MACROD2: variants seen among roughly 807,000 people sequenced by gnomAD.
The protein encoded by MACROD2 is ADP-ribose glycohydrolase MACROD2.
A neutral mutation model predicts 70.4 loss-of-function variants in MACROD2; 36 were observed. That is an observed-to-expected ratio of 0.51 (90% confidence interval 0.39 to 0.68). The LOEUF is 0.68. Among genes scored for constraint, MACROD2 ranks in the 30% least tolerant of loss-of-function variants. MACROD2 has a pLI of 0.00. For synonymous variants in MACROD2, 172 were observed against 178.8 expected (o/e 0.96, Z 0.30); for missense variants, 496 against 538.4 (o/e 0.92, Z 0.78).
intron 5 of MACROD2, among the ~76,000 whole-genome samples, chr20:14,827,656 G>A (rs2072917009): frequency 6.6e-6 from 1 of 151,072 alleles, no homozygotes; most frequent in Non-Finnish European, 1.5e-5. Flanking sequence ...ATTAGTAACT[G>A]TGTTTTATTT....
At position 14,746,586 on chromosome 20, in the gene MACROD2, C is replaced by A. The variant is rs16994885; in HGVS notation, c.418+61627C>A. Among the ~76,000 whole-genome samples, 1,361 of 152,228 alleles carry A rather than the reference C, an allele frequency of 8.9e-3. 53 individuals carry two copies. In the East Asian group the frequency reaches 0.11, roughly 13 times the overall value. ...TAGAAACTATATCACCCACGCATTT[C>A]ATTCTATTGCCTTCATGCTTAGTTA... On this transcript the variant is annotated intron_variant, in intron 5 of 17. Coordinates refer to ENST00000684519, the MANE Select transcript of MACROD2 (RefSeq NM_001351661.2).
At position 15,519,326 on chromosome 20, in the gene MACROD2, G is replaced by A. The variant is rs191363785; in HGVS notation, c.645+19479G>A. ...TTTTTAGTAGAGACAGGGTTTCACC[G>A]TGTTAGCCAGGATGGCCTCGATCTC... On this transcript the variant is annotated intron_variant, in intron 8 of 17. Transcript: ENST00000684519. Among the ~76,000 whole-genome samples, 148 of 151,952 alleles carry A rather than the reference G, an allele frequency of 9.7e-4. 2 individuals are homozygous for A. The highest frequency in any genetic ancestry group is 2.5e-3 in the South Asian group (12 of 4,822).
At chr20:14,506,158 A>T (rs763857570) in intron 4 of MACROD2, among the ~76,000 whole-genome samples, 1 of 152,172 alleles carries the variant, frequency 6.6e-6, no homozygotes, top group African/African-American at 2.4e-5. Context: ...TCTTGGCCAG[A>T]TGAGGGCCAA....
At chr20:14,384,658 C>T (rs988765074) in intron 3 of MACROD2, among the ~76,000 whole-genome samples, 12 of 152,058 alleles carry the variant, frequency 7.9e-5, no homozygotes, top group Non-Finnish European at 1.5e-4. Context: ...CAAGCAAATG[C>T]GTTGGAGTAC....
chr20:14,274,159 T>C (rs1307122218), intron 3 of MACROD2, among the ~76,000 whole-genome samples: 1 of 152,122 alleles, frequency 6.6e-6, no homozygotes, highest in Non-Finnish European at 1.5e-5. Context: ...GCCAGCATCA[T>C]CCTGATACCA....
intron 13 of MACROD2, among the ~76,000 whole-genome samples, chr20:15,971,376 G>C (rs1025116392): frequency 3.3e-5 from 5 of 152,084 alleles, no homozygotes; most frequent in African/African-American, 1.2e-4. Context: ...TCTCATGATA[G>C]TGAAGAAGTC....
chr20:15,477,093 T>C, intron 7 of MACROD2, among the ~76,000 whole-genome samples: 1 of 123,216 alleles, frequency 8.1e-6, no homozygotes. Context: ...CTTTTCTCTA[T>C]TTTTAGTTTT....
At chr20:15,481,998 A>G (rs1025030411) in intron 7 of MACROD2, among the ~76,000 whole-genome samples, 4 of 151,748 alleles carry the variant, frequency 2.6e-5, no homozygotes, top group Non-Finnish European at 4.4e-5. Context: ...TTTATTTTGG[A>G]GGTATGGAGG....
At chr20:15,084,136 A>T (rs1264682272) in intron 5 of MACROD2, among the ~76,000 whole-genome samples, 2 of 145,716 alleles carry the variant, frequency 1.4e-5, no homozygotes, top group Non-Finnish European at 3.0e-5. Flanking sequence ...CGCGATCTGG[A>T]CTCACTGCAA....
chr20:15,692,327 CTG>C (rs2050308991), intron 8 of MACROD2, among the ~76,000 whole-genome samples: 1 of 152,168 alleles, frequency 6.6e-6, no homozygotes, highest in Non-Finnish European at 1.5e-5. Context: ...GCCAGCATGC[CTG>C]TCTTTCCCAG....
At chr20:15,781,988 G>C (rs1462702407) in intron 8 of MACROD2, among the ~76,000 whole-genome samples, 1 of 152,056 alleles carries the variant, frequency 6.6e-6, no homozygotes, top group Non-Finnish European at 1.5e-5. Flanking sequence ...GATGAAGTCT[G>C]GTATTCATAG....
chr20:16,019,054 G>A (rs539570719), intron 15 of MACROD2, among the ~76,000 whole-genome samples: 33 of 152,204 alleles, frequency 2.2e-4, no homozygotes, highest in Middle Eastern at 3.4e-3. Context: ...GGATCACTGA[G>A]CACATTCTGA....
rs1333101323 is a variant in MACROD2 at position 14,862,166 on chromosome 20, T to TATTATAC, written c.418+177209_418+177210insTATACAT. Among the ~76,000 whole-genome samples, 9 of 41,136 alleles carry TATTATAC rather than the reference T, an allele frequency of 2.2e-4. No individual in the cohort carries two copies. The South Asian group carries it at 3.7e-3, about 17-fold the overall frequency. The allele number at this position is 41,136 out of a possible 152,430, so 27.0% of individuals were successfully genotyped here. The stretch of plus-strand genomic sequence containing the variant: ...TATTATACATAAATATATAAATATA[T>TATTATAC]ATAAATATATATAAATATATATTTA... On this transcript the variant is annotated intron_variant, in intron 5 of 17. Coordinates refer to ENST00000684519, the MANE Select transcript of MACROD2 (RefSeq NM_001351661.2).
intron 6 of MACROD2, among the ~76,000 whole-genome samples, chr20:15,398,113 T>A (rs931994906): frequency 1.3e-5 from 2 of 152,050 alleles, no homozygotes; most frequent in Non-Finnish European, 2.9e-5. Context: ...AAAAATCAGG[T>A]GACTTTGGAA....
intron 5 of MACROD2, among the ~76,000 whole-genome samples, chr20:15,201,211 G>T (rs1277547852): frequency 6.6e-6 from 1 of 152,076 alleles, no homozygotes; most frequent in East Asian, 1.9e-4. Flanking sequence ...AAGGAAACTG[G>T]GTTCTTTGAC....
intron 5 of MACROD2, among the ~76,000 whole-genome samples, chr20:15,098,860 C>G (rs1007149811): frequency 2.6e-5 from 4 of 152,324 alleles, no homozygotes; most frequent in African/African-American, 9.6e-5. Flanking sequence ...AGCCAAAGCT[C>G]AGAAGTGAAA....
chr20:14,280,663 A>G (rs1231982188), intron 3 of MACROD2, among the ~76,000 whole-genome samples: 1 of 152,208 alleles, frequency 6.6e-6, no homozygotes, highest in Non-Finnish European at 1.5e-5. Flanking sequence ...ATGAAGTTCA[A>G]CATTTTTAGA....
At chr20:15,997,002 A>T (rs2066641305) in intron 15 of MACROD2, among the ~76,000 whole-genome samples, 1 of 152,098 alleles carries the variant, frequency 6.6e-6, no homozygotes, top group African/African-American at 2.4e-5. Context: ...GTCAAGTATT[A>T]ATTGACTTTA....
intron 13 of MACROD2, among the ~76,000 whole-genome samples, chr20:15,984,512 G>A (rs2147462152): frequency 6.6e-6 from 1 of 152,046 alleles, no homozygotes. Flanking sequence ...GACTTTTGCA[G>A]ACAATTTTTC....
Sources: gnomAD v4.1 joint callset for allele counts (sites outside exome capture counted in the v4.1 genomes callset) on GRCh38, gnomAD v4.1.1 for gene constraint, MANE v1.5 for transcripts, NCBI Gene and HGNC (gene_info 2026-07-23, HGNC 2026-07-21) for gene names.